MTAP: variants seen among roughly 807,000 people sequenced by gnomAD.
The protein encoded by MTAP is methylthioadenosine phosphorylase.
In MTAP, 33 loss-of-function variants were observed where a neutral mutation model predicts 33.6. That is an observed-to-expected ratio of 0.98 (90% CI 0.74 to 1.31). The LOEUF is 1.31. MTAP is among the 40% of genes most tolerant of loss of function. MTAP has a pLI of 0.00. For missense variants in MTAP, 367 were observed against 360.0 expected (o/e 1.02, Z -0.16); for synonymous variants, 148 against 125.7 (o/e 1.18, Z -1.19).
At chr9:21,907,919 A>G (rs1818500799) in intron 1 of MTAP, among the ~76,000 whole-genome samples, 1 of 152,110 alleles carries the variant, frequency 6.6e-6, no homozygotes, top group East Asian at 1.9e-4. Context: ...GTTTCTCCCA[A>G]TGGTAACATC....
intron 1 of MTAP, among the ~76,000 whole-genome samples, chr9:21,899,508 A>G (rs934210377): frequency 2.0e-5 from 3 of 152,182 alleles, no homozygotes; most frequent in African/African-American, 4.8e-5. Flanking sequence ...AGAGAGGTTC[A>G]GTTGACTCAC....
intron 1 of MTAP, among the ~76,000 whole-genome samples, chr9:21,926,777 T>A (rs1818876062): frequency 6.6e-6 from 1 of 152,108 alleles, no homozygotes; most frequent in Non-Finnish European, 1.5e-5. Context: ...AGACACTAGA[T>A]TTTCTCACAG....
intron 1 of MTAP, among the ~76,000 whole-genome samples, chr9:21,912,428 A>T (rs1418756214): frequency 6.6e-6 from 1 of 152,114 alleles, no homozygotes; most frequent in Non-Finnish European, 1.5e-5. Context: ...CAAAAGCTTA[A>T]TCACCATGAT....
chr9:21,923,099 G>A (rs1019144637), intron 1 of MTAP, among the ~76,000 whole-genome samples: 4 of 152,058 alleles, frequency 2.6e-5, no homozygotes, highest in South Asian at 2.1e-4. Flanking sequence ...CCTTCTCTAC[G>A]TTAAACACAC....
chr9:21,894,050 C>T (rs1818246152), intron 1 of MTAP, among the ~76,000 whole-genome samples: 1 of 151,930 alleles, frequency 6.6e-6, no homozygotes, highest in Admixed American at 6.6e-5. Context: ...AGCTAATCCA[C>T]CATGATCAAG....
chr9:21,852,055 A>G (rs1225733459), intron 5 of MTAP, among the ~76,000 whole-genome samples: 1 of 152,152 alleles, frequency 6.6e-6, no homozygotes, highest in Non-Finnish European at 1.5e-5. Context: ...ATGGAATACT[A>G]CTTAGCCATA....
In MTAP at chr9:21,908,116, C is replaced by T. The variant is rs79985586; in HGVS notation, c.148-22892C>T. Among the ~76,000 whole-genome samples, 572 of 152,280 alleles carry T rather than the reference C, an allele frequency of 3.8e-3. 10 individuals are homozygous for T. In the East Asian group the frequency reaches 0.048, roughly 13 times the overall value. Reference sequence around the variant, plus strand: ...GTTCTTTGATAGTCACACTCACTTTCCTTCTTCCCTCACTCCTTCCTTAAT... The same window carrying T: ...GTTCTTTGATAGTCACACTCACTTTTCTTCTTCCCTCACTCCTTCCTTAAT... On this transcript the variant is annotated intron_variant, in intron 1 of 1. Transcript: ENST00000577563.
chr9:21,827,287 C>G lies in MTAP; in HGVS notation c.347+9085C>G, dbSNP rs138591006. Among the ~76,000 whole-genome samples the G allele has an allele frequency of 8.9e-3, 1,352 of 152,304 alleles. 30 individuals carry two copies. Among genetic ancestry groups the G allele is most frequent in the African/African-American group, 0.031 (1,279 of 41,556 alleles). Reference sequence around the variant, plus strand: ...CCTACCACCTCAGTCCATGCTGCTCCTCCCATCAGTTATCTCTGAGCTTAC... The same window carrying G: ...CCTACCACCTCAGTCCATGCTGCTCGTCCCATCAGTTATCTCTGAGCTTAC... On this transcript the variant is annotated intron_variant, in intron 4 of 7. Transcript: ENST00000644715.
intron 5 of MTAP, among the ~76,000 whole-genome samples, chr9:21,843,314 T>A (rs926786558): frequency 1.3e-5 from 2 of 152,144 alleles, no homozygotes; most frequent in Non-Finnish European, 2.9e-5. Flanking sequence ...ACAATAATAG[T>A]GGGGCACTTA....
At chr9:21,813,163 A>C (rs1358874303) in intron 1 of MTAP, among the ~76,000 whole-genome samples, 2 of 152,256 alleles carry the variant, frequency 1.3e-5, no homozygotes, top group African/African-American at 4.8e-5. Context: ...TGGAGCCAGC[A>C]GGTGGCGACA....
chr9:21,821,361 A>G (rs958479509), intron 4 of MTAP, among the ~76,000 whole-genome samples: 1 of 152,172 alleles, frequency 6.6e-6, no homozygotes, highest in African/African-American at 2.4e-5. Flanking sequence ...TCAAAGGCCT[A>G]TTCTGCATCT....
At position 21,903,881 on chromosome 9, in the gene MTAP, C is replaced by T. The variant is rs534712052; in HGVS notation, c.148-27127C>T. Among the ~76,000 whole-genome samples, 177 of 152,278 alleles carry T rather than the reference C, an allele frequency of 1.2e-3. 1 individual carries two copies. Among genetic ancestry groups the T allele is most frequent in the East Asian group, 3.9e-4 (2 of 5,174 alleles). On this transcript the variant is annotated intron_variant, in intron 1 of 1. Coordinates refer to the MTAP transcript ENST00000577563. ...CTCTTTTAGTTTAGCTGTCTGTAGG[C>T]GGCTTGTGTTAGCTCAAGTAGACCC...
chr9:21,872,059 T>TA (rs1825945681), downstream of MTAP, among the ~76,000 whole-genome samples: 1 of 152,314 alleles, frequency 6.6e-6, no homozygotes, highest in African/African-American at 2.4e-5. Flanking sequence ...CTCACACCTG[T>TA]AATCCCAGCA....
chr9:21,913,194 G>C (rs1818614193), intron 1 of MTAP, among the ~76,000 whole-genome samples: 1 of 152,160 alleles, frequency 6.6e-6, no homozygotes, highest in Non-Finnish European at 1.5e-5. Flanking sequence ...CGTGAAAATG[G>C]CCATACTGCC....
At chr9:21,857,654 T>A (rs1825670658) in intron 6 of MTAP, among the ~76,000 whole-genome samples, 1 of 152,210 alleles carries the variant, frequency 6.6e-6, no homozygotes, top group East Asian at 1.9e-4. Context: ...CTTCAACCAT[T>A]ATATTAACTT....
At chr9:21,900,052 T>G (rs1055480214) in intron 1 of MTAP, among the ~76,000 whole-genome samples, 8 of 152,068 alleles carry the variant, frequency 5.3e-5, no homozygotes, top group Non-Finnish European at 8.8e-5. Flanking sequence ...AACACTTAAA[T>G]GTAAAACCTA....
intron 6 of MTAP, among the ~76,000 whole-genome samples, chr9:21,857,777 C>T (rs375083424): frequency 6.5e-4 from 99 of 152,248 alleles, no homozygotes; most frequent in African/African-American, 2.3e-3. Flanking sequence ...CTTTAATATA[C>T]CCAGCCAGAA....
chr9:21,836,496 T>G (rs571136912), intron 4 of MTAP, among the ~76,000 whole-genome samples: 1 of 152,274 alleles, frequency 6.6e-6, no homozygotes, highest in South Asian at 2.1e-4. Flanking sequence ...TGGAGGCTTT[T>G]GTGGCCCTGT....
At chr9:21,887,377 T>C (rs553011284) in intron 1 of MTAP, among the ~76,000 whole-genome samples, 141 of 152,238 alleles carry the variant, frequency 9.3e-4, no homozygotes, top group African/African-American at 3.3e-3. Flanking sequence ...TTTTCTGCCC[T>C]TCCAATAGTT....
Sources: allele counts gnomAD v4.1 joint callset (sites outside exome capture counted in the v4.1 genomes callset), GRCh38; gene constraint gnomAD v4.1.1; transcripts MANE v1.5; gene names NCBI Gene and HGNC (gene_info 2026-07-23, HGNC 2026-07-21).